IFT43: variants seen among roughly 807,000 people sequenced by gnomAD.
The protein encoded by IFT43 is intraflagellar transport protein 43 homolog.
Under a neutral mutation model 32.3 loss-of-function variants are expected in IFT43, and 33 were observed. That is an observed-to-expected ratio of 1.02 (90% confidence interval 0.77 to 1.37). The LOEUF is 1.37. IFT43 is among the 40% of genes most tolerant of loss of function. The pLI, the probability that IFT43 is intolerant of heterozygous loss-of-function variation, is 0.00. For synonymous variants in IFT43, 93 were observed against 98.2 expected, an observed-to-expected ratio of 0.95 and a Z score of 0.31; for missense variants, 274 against 265.9, an observed-to-expected ratio of 1.03 and a Z score of -0.21.
intron 3 of IFT43, among the ~76,000 whole-genome samples, chr14:76,053,472 G>A (rs1445861281): frequency 6.6e-6 from 1 of 152,192 alleles, no homozygotes; most frequent in African/African-American, 2.4e-5. Context: ...AGTCACGACA[G>A]CAAGACAACC....
intron 3 of IFT43, among the ~76,000 whole-genome samples, chr14:76,026,602 C>T (rs1410061275): frequency 2.0e-5 from 3 of 149,184 alleles, no homozygotes; most frequent in Non-Finnish European, 4.4e-5. Flanking sequence ...GGTGAGGTTG[C>T]GGAGAAAAAG....
At chr14:76,014,022 C>G (rs780722915) in intron 2 of IFT43, 10 of 238,074 alleles carry the variant, frequency 4.2e-5, no homozygotes, top group Non-Finnish European at 8.2e-5. Flanking sequence ...TTGTGAACAA[C>G]CCCCAGCCCG....
intron 3 of IFT43, among the ~76,000 whole-genome samples, chr14:76,025,284 C>A (rs2036369581): frequency 6.6e-6 from 1 of 151,990 alleles, no homozygotes; most frequent in Non-Finnish European, 1.5e-5. Flanking sequence ...AGAGATGATA[C>A]AAACAAATGG....
At chr14:75,991,510 T>A (rs961961699) in intron 2 of IFT43, among the ~76,000 whole-genome samples, 1 of 151,794 alleles carries the variant, frequency 6.6e-6, no homozygotes, top group Non-Finnish European at 1.5e-5. Flanking sequence ...GAGCCTGTGA[T>A]GACCTCATTA....
At chr14:76,058,521 A>G in intron 3 of IFT43, 121 bp from the exon 4 acceptor site, 2 of 1,172,958 alleles carry the variant, frequency 1.7e-6, no homozygotes, top group South Asian at 1.3e-5. Flanking sequence ...AGGACTGCAG[A>G]CAAATAAAGC....
intron 3 of IFT43, among the ~76,000 whole-genome samples, chr14:76,033,630 C>G (rs907761777): frequency 6.6e-6 from 1 of 152,038 alleles, no homozygotes; most frequent in African/African-American, 2.4e-5. Context: ...GAAAAAGAGG[C>G]TGATGAGGGG....
chr14:76,072,855 T>C (rs2037345858), intron 5 of IFT43, among the ~76,000 whole-genome samples: 1 of 152,166 alleles, frequency 6.6e-6, no homozygotes, highest in Non-Finnish European at 1.5e-5. Context: ...ACAAAGCCAA[T>C]CCCATTTAGT....
chr14:76,017,946 C>G (rs977342820), intron 2 of IFT43, among the ~76,000 whole-genome samples: 1 of 151,550 alleles, frequency 6.6e-6, no homozygotes, highest in Non-Finnish European at 1.5e-5. Flanking sequence ...TCTCTTTTTT[C>G]TTGGTTGGTC....
chr14:76,002,366 A>AGG (rs11349013), intron 2 of IFT43, among the ~76,000 whole-genome samples: 22 of 150,590 alleles, frequency 1.5e-4, no homozygotes, highest in Admixed American at 4.6e-4. Context: ...TAAAAAGGTA[A>AGG]GGGGGGGGGT....
At position 76,019,016 on chromosome 14, in the gene IFT43, A is replaced by T. The variant is rs935407927; in HGVS notation, c.148-3311A>T. Among the ~76,000 whole-genome samples the T allele has an allele frequency of 4.6e-5, 7 of 152,096 alleles. No homozygotes were observed. In the East Asian group the frequency reaches 1.3e-3, roughly 29 times the overall value. ...CCATTTACATTCAAGGTTATTATTG[A>T]TGGCTAAGGACTTATTTCTGCCATT... On this transcript the variant is annotated intron_variant, in intron 2 of 8. Transcript: ENST00000314067.
chr14:75,991,375 A>AT (rs1255847864), intron 2 of IFT43, among the ~76,000 whole-genome samples: 19 of 137,024 alleles, frequency 1.4e-4, no homozygotes, highest in African/African-American at 5.5e-4. Context: ...ATATATATAT[A>AT]AATATTAACA....
intron 3 of IFT43, among the ~76,000 whole-genome samples, chr14:76,025,427 A>T (rs1450831816): frequency 6.6e-6 from 1 of 152,186 alleles, no homozygotes; most frequent in Non-Finnish European, 1.5e-5. Context: ...GACATTCTTC[A>T]CAGAACTAGA....
intron 2 of IFT43, among the ~76,000 whole-genome samples, chr14:75,995,107 T>C (rs113204562): frequency 0.022 from 3,368 of 152,330 alleles, 115 homozygotes; most frequent in African/African-American, 0.07. Context: ...TTGAGCCTTA[T>C]GGTAGCTCTT....
intron 2 of IFT43, among the ~76,000 whole-genome samples, chr14:76,006,738 A>ACC (rs2035986894): frequency 6.6e-6 from 1 of 152,182 alleles, no homozygotes; most frequent in South Asian, 2.1e-4. Flanking sequence ...GTTAAGCTGT[A>ACC]CTGCCAATCC....
At chr14:75,993,351 C>T (rs1368068304) in intron 2 of IFT43, among the ~76,000 whole-genome samples, 1 of 152,202 alleles carries the variant, frequency 6.6e-6, no homozygotes, top group African/African-American at 2.4e-5. Context: ...AGTGAGAATG[C>T]TGGGTTGACA....
chr14:76,072,315 T>TTTGG (rs1265068461), intron 5 of IFT43, among the ~76,000 whole-genome samples: 1 of 151,616 alleles, frequency 6.6e-6, no homozygotes, highest in African/African-American at 2.4e-5. Context: ...GTTTGGGAGG[T>TTTGG]TTGGTGAGAA....
chr14:76,006,477 A>C (rs2035982728), intron 2 of IFT43, among the ~76,000 whole-genome samples: 1 of 152,202 alleles, frequency 6.6e-6, no homozygotes, highest in Non-Finnish European at 1.5e-5. Context: ...TGGACTGATA[A>C]GCTGAGAAAG....
At chr14:76,078,330 T>G (rs899730081) in intron 5 of IFT43, among the ~76,000 whole-genome samples, 3 of 152,258 alleles carry the variant, frequency 2.0e-5, no homozygotes, top group Non-Finnish European at 4.4e-5. Flanking sequence ...TAGGTTTCCC[T>G]GTTGCTTTCC....
chr14:76,038,382 T>A (rs1269016593), intron 3 of IFT43, among the ~76,000 whole-genome samples: 1 of 152,198 alleles, frequency 6.6e-6, no homozygotes, highest in Non-Finnish European at 1.5e-5. Context: ...CATAGATGCT[T>A]TTCTTTCACG....
Sources: allele counts gnomAD v4.1 joint callset (sites outside exome capture counted in the v4.1 genomes callset), GRCh38; gene constraint gnomAD v4.1.1; transcripts MANE v1.5; gene names NCBI Gene and HGNC (gene_info 2026-07-23, HGNC 2026-07-21).